The following GRIP1 variants were observed in gnomAD, a reference collection of about 807,000 sequenced individuals.
The protein encoded by GRIP1 is glutamate receptor-interacting protein 1.
In GRIP1, 45 loss-of-function variants were observed where a neutral mutation model predicts 129.9. The ratio of observed to expected loss-of-function variants is 0.35; its 90% CI spans 0.27 to 0.44. The LOEUF is 0.44. Among genes scored for constraint, GRIP1 ranks in the 20% least tolerant of loss-of-function variants. The probability of loss-of-function intolerance (pLI) is 1.00; values close to 1 mark genes in which losing one functional copy is unlikely to be tolerated. For missense variants in GRIP1, 1,196 were observed against 1,396.8 expected (o/e 0.86, Z 2.29); for synonymous variants, 530 against 520.8 (o/e 1.02, Z -0.24).
intron 2 of GRIP1, among the ~76,000 whole-genome samples, chr12:66,574,006 A>C (rs1320644039): frequency 1.3e-5 from 2 of 152,180 alleles, no homozygotes; most frequent in Non-Finnish European, 2.9e-5. Flanking sequence ...CAAACTATTG[A>C]TCTTTTTTTC....
chr12:66,787,325 T>C (rs2038381207), intron 1 of GRIP1, among the ~76,000 whole-genome samples: 1 of 152,152 alleles, frequency 6.6e-6, no homozygotes, highest in African/African-American at 2.4e-5. Flanking sequence ...GCTTAGCTTT[T>C]GCTATTGATT....
intron 23 of GRIP1, among the ~76,000 whole-genome samples, chr12:66,361,005 T>C (rs966761262): frequency 3.3e-5 from 5 of 152,244 alleles, no homozygotes; most frequent in Non-Finnish European, 7.3e-5. Context: ...TCATGACAGA[T>C]ACCACTGGGG....
chr12:66,556,889 G>C (rs978057869), intron 2 of GRIP1, among the ~76,000 whole-genome samples: 1 of 151,012 alleles, frequency 6.6e-6, no homozygotes, highest in Admixed American at 6.6e-5. Flanking sequence ...ACCACTAAAA[G>C]GAAGACAGGA....
chr12:66,501,068 GA>G (rs2138774281), intron 7 of GRIP1, among the ~76,000 whole-genome samples: 1 of 152,294 alleles, frequency 6.6e-6, no homozygotes, highest in East Asian at 1.9e-4. Flanking sequence ...AGAGCCAGGA[GA>G]CAGGGGACTC....
intron 1 of GRIP1, among the ~76,000 whole-genome samples, chr12:66,609,230 G>A (rs538061777): frequency 7.9e-5 from 12 of 151,944 alleles, no homozygotes; most frequent in East Asian, 1.9e-4. Context: ...TCCCAATGTC[G>A]CCACACTGCT....
In GRIP1 at chr12:66,917,775, G is replaced by C. The variant is rs535040485; in HGVS notation, c.58+151275C>G. Among the ~76,000 whole-genome samples, 6 of 152,022 alleles carry C rather than the reference G, an allele frequency of 3.9e-5. No homozygotes were observed. The South Asian group carries it at 1.0e-3, about 26-fold the overall frequency. On this transcript the variant is annotated intron_variant, in intron 1 of 1. Coordinates refer to the GRIP1 transcript ENST00000643019. The stretch of plus-strand genomic sequence containing the variant: ...CATTCTGTTTAAATCAGATATTCTA[G>C]AGAACATTAAACTGGACAAATTAAG...
chr12:66,437,559 G>T (rs2058347755), intron 13 of GRIP1, among the ~76,000 whole-genome samples: 1 of 152,076 alleles, frequency 6.6e-6, no homozygotes, highest in South Asian at 2.1e-4. Flanking sequence ...AAGTAAGCTG[G>T]GTACTGAACA....
intron 22 of GRIP1, among the ~76,000 whole-genome samples, chr12:66,373,556 C>T (rs1220869303): frequency 2.0e-5 from 3 of 152,158 alleles, no homozygotes; most frequent in Non-Finnish European, 4.4e-5. Flanking sequence ...TTTCATAGTT[C>T]CCAAATTCAC....
At chr12:66,419,542 C>A (rs1019285140) in intron 15 of GRIP1, among the ~76,000 whole-genome samples, 1 of 152,132 alleles carries the variant, frequency 6.6e-6, no homozygotes, top group African/African-American at 2.4e-5. Context: ...CATGCCTTAT[C>A]AAAATATCTC....
intron 16 of GRIP1, among the ~76,000 whole-genome samples, chr12:66,395,231 T>C (rs949696996): frequency 2.0e-5 from 3 of 152,150 alleles, no homozygotes; most frequent in African/African-American, 7.2e-5. Context: ...AATTCAAAGG[T>C]TTTATTTGCT....
At chr12:66,719,801 C>T (rs889749171) in intron 1 of GRIP1, among the ~76,000 whole-genome samples, 12 of 152,098 alleles carry the variant, frequency 7.9e-5, no homozygotes, top group African/African-American at 2.2e-4. Flanking sequence ...CTGGAATGTT[C>T]GGGCTTATGT....
chr12:66,849,587 G>C (rs137939195), intron 1 of GRIP1, among the ~76,000 whole-genome samples: 20 of 152,200 alleles, frequency 1.3e-4, no homozygotes, highest in South Asian at 4.1e-4. Flanking sequence ...CTACACTGCA[G>C]CCTAGGTGAC....
At chr12:67,052,876 A>C (rs1479978673) in intron 1 of GRIP1, among the ~76,000 whole-genome samples, 3 of 152,208 alleles carry the variant, frequency 2.0e-5, no homozygotes, top group Admixed American at 2.0e-4. Context: ...GAACTTGAGA[A>C]GTCAAATAGT....
intron 1 of GRIP1, among the ~76,000 whole-genome samples, chr12:66,600,003 G>A (rs528777619): frequency 7.9e-5 from 12 of 152,292 alleles, no homozygotes; most frequent in Non-Finnish European, 1.8e-4. Context: ...TGGGCACACT[G>A]TACCAGCAGA....
chr12:66,805,842 C>G (rs1001070422), upstream of GRIP1, among the ~76,000 whole-genome samples: 2 of 151,978 alleles, frequency 1.3e-5, no homozygotes, highest in African/African-American at 2.4e-5. Context: ...CAGAAGTTTC[C>G]CATTTTGTAT....
At chr12:66,582,644 C>G (rs1441485632) in intron 2 of GRIP1, among the ~76,000 whole-genome samples, 2,067 of 138,620 alleles carry the variant, frequency 0.015, 128 homozygotes, top group African/African-American at 0.053. Flanking sequence ...CATGAGTGAA[C>G]TCCCATTCAC....
At chr12:66,637,573 T>TG (rs1491368415) in intron 1 of GRIP1, among the ~76,000 whole-genome samples, 1 of 124,390 alleles carries the variant, frequency 8.0e-6, no homozygotes, top group African/African-American at 3.0e-5. Flanking sequence ...TATTTTTGTA[T>TG]GTTTTTTTTT....
chr12:66,352,706 C>CTGAGAGAAAGAG (rs140068432), intron 24 of GRIP1, among the ~76,000 whole-genome samples: 1 of 142,536 alleles, frequency 7.0e-6, no homozygotes, highest in East Asian at 2.1e-4. Flanking sequence ...GCACTCCAGC[C>CTGAGAGAAAGAG]TGAGACTCTG....
intron 1 of GRIP1, among the ~76,000 whole-genome samples, chr12:66,733,483 T>G (rs1443906383): frequency 1.3e-5 from 2 of 152,072 alleles, no homozygotes; most frequent in African/African-American, 2.4e-5. Flanking sequence ...TTGCCCTTCT[T>G]CCTCCATGGA....
Sources: allele counts gnomAD v4.1 joint callset (sites outside exome capture counted in the v4.1 genomes callset), GRCh38; gene constraint gnomAD v4.1.1; transcripts MANE v1.5; gene names NCBI Gene and HGNC (gene_info 2026-07-23, HGNC 2026-07-21).